The following CLK1 variants were observed in gnomAD, a reference collection of about 807,000 sequenced individuals.
CLK1 encodes CDC like kinase 1, also known as dual specificity protein kinase CLK1.
In CLK1, 40 loss-of-function variants were observed where a neutral mutation model predicts 60.9. The observed-to-expected ratio is 0.66, with a 90% CI of 0.51 to 0.86. The LOEUF (loss-of-function observed/expected upper bound fraction) is 0.86. Ranked by LOEUF, CLK1 falls within the 40% of genes least tolerant of loss-of-function variation. CLK1 has a pLI of 0.00. For missense variants in CLK1, 563 were observed against 606.1 expected, an observed-to-expected ratio of 0.93 and a Z score of 0.75; for synonymous variants, 203 against 184.4, an observed-to-expected ratio of 1.10 and a Z score of -0.82.
Position 200,854,006 on chromosome 2 carries a change from C to CT in CLK1, c.1221-14_1221-13insA. The CT allele has an allele frequency of 1.3e-6, 2 of 1,575,696 alleles. No homozygotes were observed. Among genetic ancestry groups the CT allele is most frequent in the Non-Finnish European group, 1.7e-6 (2 of 1,147,982 alleles). On this transcript the variant is annotated splice_polypyrimidine_tract_variant and intron_variant, in intron 11 of 12. Transcript: ENST00000321356. The stretch of plus-strand genomic sequence containing the variant: ...ATATTTACGTTTCCTAAAAATAAGT[C>CT]AATATCCATTCATGTTTATAACACT...
At chr2:200,853,679 G>GAAAAAAAAAAAA (rs34449560) in intron 12 of CLK1, among the ~76,000 whole-genome samples, 11 of 49,118 alleles carry the variant, frequency 2.2e-4, no homozygotes, top group African/African-American at 9.9e-4. Context: ...GTCTTTACTT[G>GAAAAAAAAAAAA]AAAAAAAAAA....
chr2:200,861,396 T>C lies in CLK1; in HGVS notation c.232A>G (p.Asn78Asp). The change falls in exon 3 of 13, where the codon AAT becomes GAT. Residue 78 changes from asparagine to aspartate, a missense_variant. Coordinates refer to ENST00000321356, the MANE Select transcript of CLK1 (RefSeq NM_004071.4). ...GGTTCACATCCTTGAGTGTAGTCATTTCTGTACTCATCAATGTAGCGTCGA... is the reference window on the plus strand; with the variant it reads ...GGTTCACATCCTTGAGTGTAGTCATCTCTGTACTCATCAATGTAGCGTCGA... ...HSRRYIDEYR[N>D]DYTQGCEPGH... 6.2e-7 allele frequency: 1 copy of C among 1,614,146 alleles called. No individual in the cohort carries two copies. Among genetic ancestry groups the C allele is most frequent in the Non-Finnish European group, 8.5e-7 (1 of 1,180,016 alleles).
chr2:200,854,550 A>C, intron 11 of CLK1, 66 bp downstream of exon 11: 2 of 1,035,056 alleles, frequency 1.9e-6, no homozygotes, highest in East Asian at 4.8e-5. Flanking sequence ...AAAAAAAAAA[A>C]ATTAAGTTCT....
chr2:200,853,947 T>C lies in CLK1; in HGVS notation c.1267A>G (p.Ser423Gly). The C allele has an allele frequency of 1.2e-6, 2 of 1,612,656 alleles. No homozygotes were observed. The highest frequency in any genetic ancestry group is 8.5e-7 in the Non-Finnish European group (1 of 1,179,298). ...CTTGAAACATATCTGCCGGCAGAAC[T>C]GTGTTCATCCCAGTCTAATCGATCG... Reference protein sequence around the residue: ...HHDRLDWDEHSSAGRYVSRRC... With the variant: ...HHDRLDWDEHGSAGRYVSRRC... Residue 423 changes from serine to glycine, a missense_variant, in exon 12 of 13, where the codon AGT becomes GGT. Coordinates refer to ENST00000321356, the MANE Select transcript of CLK1 (RefSeq NM_004071.4).
intron 7 of CLK1, chr2:200,857,212 A>G: frequency 4.0e-6 from 2 of 502,790 alleles, no homozygotes; most frequent in Non-Finnish European, 7.2e-6. Context: ...AGGCTGAGGC[A>G]GGAGAATCAC....
In CLK1 at chr2:200,859,098, C is replaced by G. The variant is rs561259446; in HGVS notation, c.548+582G>C. On this transcript the variant is annotated intron_variant, in intron 5 of 12. Transcript: ENST00000321356. ...TCAGGAGGCTGAGGCAGAACAATCACCTGAACCCGGGAGGCAGAGGGTGCA... is the reference window on the plus strand; with the variant it reads ...TCAGGAGGCTGAGGCAGAACAATCAGCTGAACCCGGGAGGCAGAGGGTGCA... Among the ~76,000 whole-genome samples, 8 of 152,212 alleles carry G rather than the reference C, an allele frequency of 5.3e-5. No individual in the cohort carries two copies. The South Asian group carries it at 1.7e-3, about 32-fold the overall frequency.
chr2:200,861,271 A>C lies in CLK1; in HGVS notation c.357T>G (p.Ile119Met), dbSNP rs753052144. 9.3e-6 allele frequency: 15 copies of C among 1,614,152 alleles called. No individual in the cohort carries two copies. Among genetic ancestry groups the C allele is most frequent in the Admixed American group, 3.3e-5 (2 of 60,012 alleles). The change falls in exon 3 of 13, where the codon ATT becomes ATG. Residue 119 changes from isoleucine (I) to methionine (M), a missense_variant. Ile to Met is a conservative substitution (Grantham distance 10). Transcript: ENST00000321356. ...AACGACGATGTGAAGTACTGTGGTG[A>C]ATCCTGTGTTTGCTTTTATAACTAC... The part of the protein sequence containing the change: ...GRSSYKSKHR[I>M]HHSTSHRRSH...
intron 1 of CLK1, chr2:200,864,275 C>A: frequency 6.7e-7 from 1 of 1,494,206 alleles, no homozygotes; most frequent in Non-Finnish European, 8.9e-7. Context: ...GCCCGACCGT[C>A]CCGCGTCAGG....
At position 200,856,908 on chromosome 2, in the gene CLK1, C is replaced by A; in HGVS notation, c.910G>T (p.Ala304Ser). Residue 304 changes from alanine to serine, a missense_variant, in exon 8 of 13, where the codon GCG (alanine) becomes TCG (serine). Ala to Ser is a moderately conservative substitution (Grantham distance 99). Transcript: ENST00000321356. Reference sequence around the variant, plus strand: ...AGACTTACTATTTTGGGATTATACGCCTCTGTGTAGTCAGACTGCACAAAT... The same window carrying A: ...AGACTTACTATTTTGGGATTATACGACTCTGTGTAGTCAGACTGCACAAAT... ...ILFVQSDYTE[A>S]YNPKIKRDER... 6.2e-7 allele frequency: 1 copy of A among 1,614,078 alleles called. No individual in the cohort carries two copies. Among genetic ancestry groups the A allele is most frequent in the Non-Finnish European group, 8.5e-7 (1 of 1,179,910 alleles).
intron 4 of CLK1, 178 bp downstream of exon 4, chr2:200,859,947 A>G (rs1458108903): frequency 7.0e-7 from 1 of 1,433,248 alleles, no homozygotes; most frequent in Non-Finnish European, 9.1e-7. Context: ...AGTTCTATAT[A>G]ACAAACATTA....
At chr2:200,861,030 G>A (rs1442962754) in intron 3 of CLK1, 1 of 1,352,786 alleles carries the variant, frequency 7.4e-7, no homozygotes, top group African/African-American at 1.5e-5. Context: ...TGTCAATTAG[G>A]AGCCAACCAA....
Position 200,860,109 on chromosome 2 carries a change from G to A in CLK1, c.481+16C>T. On this transcript the variant is annotated intron_variant, in intron 4 of 12. Transcript: ENST00000321356. ...GTTATCTGAAAAGTTAATAAGTGTT[G>A]AAAAATATTCTATACATCTTGCACT... The A allele has an allele frequency of 6.2e-7, 1 of 1,611,262 alleles. No individual in the cohort carries two copies. Among genetic ancestry groups the A allele is most frequent in the South Asian group, 1.1e-5 (1 of 90,960 alleles).
At position 200,861,854 on chromosome 2, in the gene CLK1, G is replaced by A. The variant is rs1172804496; in HGVS notation, c.9C>T (p.His3=). ...AATCAGGACAGTAAGTTCTCTTTGA[G>A]TGTCTCATCTACATAAAAGGCAAGT... MR[H]SKRTYCPDWD... The change falls in exon 2 of 13, where the codon CAC becomes CAT. Residue 3 remains histidine, a synonymous_variant. Coordinates refer to ENST00000321356, the MANE Select transcript of CLK1 (RefSeq NM_004071.4). 3 of 1,613,704 alleles carry A rather than the reference G, an allele frequency of 1.9e-6. No homozygotes were observed. The highest frequency in any genetic ancestry group is 2.5e-6 in the Non-Finnish European group (3 of 1,179,924).
chr2:200,858,082 T>A lies in CLK1; in HGVS notation c.556A>T (p.Arg186Ter). 6.2e-7 allele frequency: 1 copy of A among 1,602,580 alleles called. No individual in the cohort carries two copies. The highest frequency in any genetic ancestry group is 8.6e-7 in the Non-Finnish European group (1 of 1,169,434). ...VECIDHKAGG[R>*]HVAVKIVKNV... The stretch of plus-strand genomic sequence containing the variant: ...TTAACTATTTTTACTGCTACATGTC[T>A]ACCTCCCCTGTTAGAAAGATGCATG... Residue 186 changes from arginine (R) to a stop codon, truncating the protein, a stop_gained, in exon 6 of 13, where the codon AGA becomes TGA. Transcript: ENST00000321356. LOFTEE classifies it high-confidence loss of function.
At chr2:200,853,679 G>GGAGA (rs1171654137) in intron 12 of CLK1, among the ~76,000 whole-genome samples, 1 of 49,130 alleles carries the variant, frequency 2.0e-5, no homozygotes, top group African/African-American at 9.0e-5. Context: ...GTCTTTACTT[G>GGAGA]AAAAAAAAAA....
In CLK1 at chr2:200,854,361, T is replaced by C. The variant is rs189329651; in HGVS notation, c.1220+255A>G. On this transcript the variant is annotated intron_variant, in intron 11 of 12. Coordinates refer to ENST00000321356, the MANE Select transcript of CLK1 (RefSeq NM_004071.4). ...CCATCCTGGCTAACATGGTGAAACC[T>C]TGTCTCTACTAAAAATACAAAAAAA... Among the ~76,000 whole-genome samples, 1,065 of 151,910 alleles carry C rather than the reference T, an allele frequency of 7.0e-3. 14 individuals carry two copies. Among genetic ancestry groups the C allele is most frequent in the African/African-American group, 0.024 (979 of 41,436 alleles).
chr2:200,864,344 A>C, intron 1 of CLK1: 13 of 1,275,084 alleles, frequency 1.0e-5, no homozygotes, highest in Middle Eastern at 2.6e-4. Context: ...CCTAGCAAAC[A>C]CCGTAACTAC....
At position 200,854,612 on chromosome 2, in the gene CLK1, G is replaced by C; in HGVS notation, c.1220+4C>G. 6.4e-7 allele frequency: 1 copy of C among 1,559,490 alleles called. No homozygotes were observed. The stretch of plus-strand genomic sequence containing the variant: ...TAAGGATGTCACTAACTCTTAAAAC[G>C]TACCTGGTTTTCTGTATCATATGTT... On this transcript the variant is annotated splice_donor_region_variant and intron_variant, in intron 11 of 12. Coordinates refer to ENST00000321356, the MANE Select transcript of CLK1 (RefSeq NM_004071.4).
rs1365154401 is a variant in CLK1 at position 200,861,839 on chromosome 2, G to C, written c.24C>G (p.Tyr8Ter). MRHSKRT[Y>*]CPDWDDKDWD... ...AATCCTTGTCATCCCAATCAGGACA[G>C]TAAGTTCTCTTTGAGTGTCTCATCT... The change falls in exon 2 of 13, where the codon TAC becomes TAG. Residue 8 changes from tyrosine (Y) to a stop codon, truncating the protein, a stop_gained. Transcript: ENST00000321356. LOFTEE classifies it high-confidence loss of function. 6.2e-7 allele frequency: 1 copy of C among 1,614,002 alleles called. No homozygotes were observed. The highest frequency in any genetic ancestry group is 8.5e-7 in the Non-Finnish European group (1 of 1,179,990).
Sources: allele counts gnomAD v4.1 joint callset (sites outside exome capture counted in the v4.1 genomes callset), GRCh38; gene constraint gnomAD v4.1.1; transcripts MANE v1.5; gene names NCBI Gene and HGNC (gene_info 2026-07-23, HGNC 2026-07-21).